STIM2: variants seen among roughly 807,000 people sequenced by gnomAD.
The protein encoded by STIM2 is stromal interaction molecule 2.
Under a neutral mutation model 85.8 loss-of-function variants are expected in STIM2, and 31 were observed. The observed-to-expected ratio is 0.36, with a 90% CI of 0.27 to 0.49. The LOEUF (loss-of-function observed/expected upper bound fraction) is 0.49. Among genes scored for constraint, STIM2 ranks in the 20% least tolerant of loss-of-function variants. The pLI, the probability that STIM2 is intolerant of heterozygous loss-of-function variation, is 0.98. For synonymous variants in STIM2, 356 were observed against 331.1 expected (o/e 1.08, Z -0.82); for missense variants, 841 against 927.6 (o/e 0.91, Z 1.21).
At chr4:26,961,014 CAAA>C (rs200795495) in intron 3 of STIM2, among the ~76,000 whole-genome samples, 1 of 131,360 alleles carries the variant, frequency 7.6e-6, no homozygotes, top group African/African-American at 2.9e-5. Context: ...CACTCCGTCT[CAAA>C]AAAAAAAAAA....
At chr4:27,003,500 G>A (rs1291852145) in intron 7 of STIM2, among the ~76,000 whole-genome samples, 1 of 152,164 alleles carries the variant, frequency 6.6e-6, no homozygotes, top group East Asian at 1.9e-4. Flanking sequence ...CTGTTAAATA[G>A]TTTTAGAACA....
chr4:26,906,750 A>G (rs951119720), intron 1 of STIM2, among the ~76,000 whole-genome samples: 3 of 152,032 alleles, frequency 2.0e-5, no homozygotes, highest in African/African-American at 7.2e-5. Flanking sequence ...GGCACACTGA[A>G]TGTAAGAAAT....
chr4:26,963,908 A>G (rs531248834), intron 3 of STIM2, among the ~76,000 whole-genome samples: 3 of 152,304 alleles, frequency 2.0e-5, no homozygotes, highest in African/African-American at 7.2e-5. Context: ...CACTTTAAAA[A>G]TTTTGTCTTT....
In STIM2 at chr4:26,861,114, G is replaced by C. The variant is rs1429102685; in HGVS notation, c.-105G>C. 5.7e-5 allele frequency: 69 copies of C among 1,205,010 alleles called. No homozygotes were observed. In the East Asian group the frequency reaches 2.5e-3, roughly 43 times the overall value. The allele number at this position is 1,205,010 out of a possible 1,614,324, so 74.6% of individuals were successfully genotyped here. A position where few individuals can be genotyped will look rare whatever the true frequency, so the allele number is the denominator to read the frequency against. On this transcript the variant is annotated 5_prime_UTR_variant, in exon 1 of 12. Coordinates refer to ENST00000467087, the MANE Select transcript of STIM2 (RefSeq NM_020860.4). ...CGGAGCCGGCGAGCTGCAGGCGGCC[G>C]GGGCGCCGCTGCGCTTTCACCCGGC...
At chr4:26,919,166 G>A (rs1724702967) in intron 1 of STIM2, among the ~76,000 whole-genome samples, 1 of 151,038 alleles carries the variant, frequency 6.6e-6, no homozygotes, top group African/African-American at 2.4e-5. Context: ...TGTTTTTTTG[G>A]TAGGGGGAAT....
intron 3 of STIM2, among the ~76,000 whole-genome samples, chr4:26,966,093 A>G (rs1417340486): frequency 6.6e-6 from 1 of 152,252 alleles, no homozygotes; most frequent in East Asian, 1.9e-4. Context: ...CTATGTTCAC[A>G]GACTCAAGGG....
chr4:26,946,059 G>A (rs1438550474), intron 2 of STIM2, among the ~76,000 whole-genome samples: 1 of 152,134 alleles, frequency 6.6e-6, no homozygotes, highest in African/African-American at 2.4e-5. Flanking sequence ...GTATTAAAGT[G>A]AAAAAAGTAA....
chr4:26,938,539 C>T (rs1725477179), intron 2 of STIM2, among the ~76,000 whole-genome samples: 1 of 152,094 alleles, frequency 6.6e-6, no homozygotes, highest in Non-Finnish European at 1.5e-5. Context: ...TGAACCTATC[C>T]AGCATTTAGC....
At chr4:26,938,768 C>CTCTG (rs2109080161) in intron 2 of STIM2, among the ~76,000 whole-genome samples, 1 of 152,250 alleles carries the variant, frequency 6.6e-6, no homozygotes, top group Admixed American at 6.5e-5. Context: ...CAGAAGTGTT[C>CTCTG]TCTCTTATAG....
chr4:26,919,584 C>G lies in STIM2; in HGVS notation c.232C>G (p.Gln78Glu), dbSNP rs1724722969. The G allele has an allele frequency of 1.2e-6, 2 of 1,613,442 alleles. No individual in the cohort carries two copies. The highest frequency in any genetic ancestry group is 2.7e-5 in the African/African-American group (2 of 74,860). ...GGAAGCTCTTCAAACAATACATAAA[C>G]AAATGGATGATGACAAAGATGGTGG... The change falls in exon 2 of 12, where the codon CAA becomes GAA. Residue 78 changes from glutamine to glutamate, a missense_variant. Coordinates refer to ENST00000467087, the MANE Select transcript of STIM2 (RefSeq NM_020860.4).
intron 2 of STIM2, among the ~76,000 whole-genome samples, chr4:26,938,783 G>A (rs1016934059): frequency 6.6e-6 from 1 of 152,160 alleles, no homozygotes; most frequent in African/African-American, 2.4e-5. Context: ...TTATAGATAA[G>A]GAGACAGAGG....
At chr4:26,886,801 ATGATT>A (rs1232860285) in intron 1 of STIM2, among the ~76,000 whole-genome samples, 4 of 152,168 alleles carry the variant, frequency 2.6e-5, no homozygotes, top group African/African-American at 7.2e-5. Context: ...GAAGTGTGAC[ATGATT>A]TGATTTATGT....
At chr4:26,982,453 A>T (rs1173486758) in intron 3 of STIM2, among the ~76,000 whole-genome samples, 1 of 152,156 alleles carries the variant, frequency 6.6e-6, no homozygotes, top group African/African-American at 2.4e-5. Context: ...TCTTTAAAAT[A>T]TCCTTTTCTA....
chr4:27,011,665 T>A (rs551238084), intron 10 of STIM2, among the ~76,000 whole-genome samples: 1 of 152,350 alleles, frequency 6.6e-6, no homozygotes, highest in African/African-American at 2.4e-5. Context: ...TATGAAATGA[T>A]ACCTCACAAT....
At chr4:26,877,516 GT>G (rs71643698) in intron 1 of STIM2, among the ~76,000 whole-genome samples, 10,698 of 139,130 alleles carry the variant, frequency 0.077, 513 homozygotes, top group African/African-American at 0.14. Context: ...ACGATGGGTT[GT>G]TTTTTTTTTT....
intron 2 of STIM2, among the ~76,000 whole-genome samples, chr4:26,920,862 A>T (rs1724768995): frequency 6.6e-6 from 1 of 152,206 alleles, no homozygotes; most frequent in Non-Finnish European, 1.5e-5. Context: ...CTTGTTGTTC[A>T]GTTGCACCTC....
intron 3 of STIM2, among the ~76,000 whole-genome samples, chr4:26,991,234 G>A (rs1727755100): frequency 6.6e-6 from 1 of 152,028 alleles, no homozygotes; most frequent in South Asian, 2.1e-4. Context: ...TATACACAAT[G>A]GAATATTATT....
intron 1 of STIM2, 61 bp downstream of exon 1, chr4:26,861,430 G>A (rs949618230): frequency 4.0e-5 from 50 of 1,255,774 alleles, no homozygotes; most frequent in Non-Finnish European, 4.9e-5. Context: ...CCCAACCCGT[G>A]CAGAGGTCAG....
chr4:26,969,958 T>G (rs1194093504), intron 3 of STIM2, among the ~76,000 whole-genome samples: 1 of 152,022 alleles, frequency 6.6e-6, no homozygotes, highest in East Asian at 1.9e-4. Flanking sequence ...GTATCTTCTC[T>G]TTTAGTACAA....
Sources: allele counts gnomAD v4.1 joint callset (sites outside exome capture counted in the v4.1 genomes callset), GRCh38; gene constraint gnomAD v4.1.1; transcripts MANE v1.5; gene names NCBI Gene and HGNC (gene_info 2026-07-23, HGNC 2026-07-21).